The following MTUS2 variants were observed in gnomAD, a reference collection of about 807,000 sequenced individuals.
MTUS2 encodes microtubule associated scaffold protein 2.
MTUS2 carries 40 observed loss-of-function variants against 114.1 expected under a neutral mutation model. The observed-to-expected ratio is 0.35, with a 90% CI of 0.27 to 0.46. The LOEUF is 0.46. Among genes scored for constraint, MTUS2 ranks in the 20% least tolerant of loss-of-function variants. MTUS2 has a pLI of 1.00. For synonymous variants in MTUS2, 688 were observed against 672.0 expected (o/e 1.02, Z -0.37); for missense variants, 1,679 against 1,705.4 (o/e 0.98, Z 0.27).
At chr13:28,937,222 A>G (rs539772665) in intron 2 of MTUS2, among the ~76,000 whole-genome samples, 1 of 152,280 alleles carries the variant, frequency 6.6e-6, no homozygotes, top group Non-Finnish European at 1.5e-5. Context: ...TGTAAAATGC[A>G]CCAATCAACA....
At chr13:29,461,240 C>T (rs1593470209) in intron 9 of MTUS2, among the ~76,000 whole-genome samples, 2 of 152,134 alleles carry the variant, frequency 1.3e-5, no homozygotes, top group African/African-American at 2.4e-5. Flanking sequence ...CAGAAACTCA[C>T]TCCCATGATA....
intron 8 of MTUS2, among the ~76,000 whole-genome samples, chr13:29,432,010 ATT>A (rs57182093): frequency 9.9e-5 from 8 of 81,052 alleles, no homozygotes; most frequent in Admixed American, 1.5e-4. Flanking sequence ...ACGCTCAGCT[ATT>A]TTTTTTTTTT....
At chr13:28,935,733 G>A (rs1479034952) in intron 2 of MTUS2, among the ~76,000 whole-genome samples, 2 of 152,008 alleles carry the variant, frequency 1.3e-5, no homozygotes, top group Admixed American at 1.3e-4. Context: ...CAGCCTCAGG[G>A]TGCAAACATT....
intron 6 of MTUS2, among the ~76,000 whole-genome samples, chr13:29,286,944 T>C (rs1214934491): frequency 6.6e-6 from 1 of 152,184 alleles, no homozygotes; most frequent in Non-Finnish European, 1.5e-5. Context: ...CGCCTTGGCC[T>C]CCCAAAGTGC....
At chr13:29,181,623 T>G (rs1331281461) in intron 5 of MTUS2, among the ~76,000 whole-genome samples, 1 of 152,150 alleles carries the variant, frequency 6.6e-6, no homozygotes, top group Non-Finnish European at 1.5e-5. Context: ...TATATATGAT[T>G]AATGGATCAA....
chr13:29,335,979 G>A (rs951160882), intron 7 of MTUS2, among the ~76,000 whole-genome samples: 1 of 152,034 alleles, frequency 6.6e-6, no homozygotes, highest in Non-Finnish European at 1.5e-5. Flanking sequence ...GATGGATTTG[G>A]CTATTGAAAC....
chr13:29,498,352 A>G (rs1882682773), intron 13 of MTUS2, 66 bp from the exon 14 acceptor site: 1 of 1,597,018 alleles, frequency 6.3e-7, no homozygotes, highest in African/African-American at 1.3e-5. Context: ...TGGATTCGTG[A>G]CATTGGTTAA....
intron 5 of MTUS2, among the ~76,000 whole-genome samples, chr13:29,113,045 C>A (rs939235734): frequency 2.0e-5 from 3 of 152,158 alleles, no homozygotes; most frequent in Admixed American, 1.3e-4. Flanking sequence ...CGGAAACAAT[C>A]TGATGGATTT....
At chr13:28,987,760 T>C (rs1884655058) in intron 2 of MTUS2, among the ~76,000 whole-genome samples, 1 of 152,260 alleles carries the variant, frequency 6.6e-6, no homozygotes, top group South Asian at 2.1e-4. Flanking sequence ...AAATAACATG[T>C]GTTTCCATAA....
intron 8 of MTUS2, among the ~76,000 whole-genome samples, chr13:29,360,540 A>C (rs1870140848): frequency 6.6e-6 from 1 of 152,098 alleles, no homozygotes; most frequent in Non-Finnish European, 1.5e-5. Context: ...ACAGCCCTGA[A>C]ATTTCCATTT....
intron 4 of MTUS2, among the ~76,000 whole-genome samples, chr13:29,085,762 A>G (rs552684645): frequency 2.0e-5 from 3 of 152,274 alleles, no homozygotes; most frequent in South Asian, 2.1e-4. Flanking sequence ...GCATGCATGT[A>G]TCTTTTTGGT....
intron 2 of MTUS2, among the ~76,000 whole-genome samples, chr13:29,009,832 G>A (rs568900572): frequency 6.6e-6 from 1 of 151,988 alleles, no homozygotes; most frequent in Non-Finnish European, 1.5e-5. Context: ...TTAAGAATCA[G>A]GCATTAAAAA....
chr13:28,937,646 C>T (rs1881981301), intron 2 of MTUS2, among the ~76,000 whole-genome samples: 1 of 152,186 alleles, frequency 6.6e-6, no homozygotes, highest in African/African-American at 2.4e-5. Context: ...AGCTCTCTGT[C>T]ATGGCTGTCA....
intron 11 of MTUS2, among the ~76,000 whole-genome samples, chr13:29,491,117 T>C (rs1193847160): frequency 1.3e-5 from 2 of 149,560 alleles, no homozygotes; most frequent in Non-Finnish European, 3.0e-5. Context: ...GTGTGTGCAG[T>C]GTGTGGGTGT....
intron 2 of MTUS2, among the ~76,000 whole-genome samples, chr13:28,950,454 C>G (rs1364491286): frequency 2.0e-5 from 3 of 152,164 alleles, no homozygotes; most frequent in African/African-American, 7.2e-5. Flanking sequence ...TTAGTGTAGT[C>G]AGATTTACCT....
At chr13:29,222,265 G>T (rs1220611869) in intron 5 of MTUS2, among the ~76,000 whole-genome samples, 1 of 152,042 alleles carries the variant, frequency 6.6e-6, no homozygotes, top group Non-Finnish European at 1.5e-5. Context: ...TAGTCTGTCT[G>T]TTTATCACTG....
At chr13:29,215,705 G>A (rs984306808) in intron 5 of MTUS2, among the ~76,000 whole-genome samples, 5 of 152,154 alleles carry the variant, frequency 3.3e-5, no homozygotes, top group African/African-American at 1.2e-4. Flanking sequence ...CACTGGCAGA[G>A]GCTGCAGAAC....
intron 2 of MTUS2, among the ~76,000 whole-genome samples, chr13:28,899,890 T>G (rs1879535792): frequency 6.6e-6 from 1 of 151,972 alleles, no homozygotes. Flanking sequence ...TTATTTTATT[T>G]TACTTTTTTT....
intron 5 of MTUS2, among the ~76,000 whole-genome samples, chr13:29,151,244 G>T (rs1328471472): frequency 2.0e-5 from 3 of 151,938 alleles, no homozygotes; most frequent in South Asian, 4.1e-4. Context: ...TCTCCTTTTA[G>T]AGATCTTTTA....
Sources: allele counts gnomAD v4.1 joint callset (sites outside exome capture counted in the v4.1 genomes callset), GRCh38; gene constraint gnomAD v4.1.1; transcripts MANE v1.5; gene names NCBI Gene and HGNC (gene_info 2026-07-23, HGNC 2026-07-21).